Variants in GRIK2 observed in about 807,000 individuals in gnomAD.
GRIK2 encodes glutamate ionotropic receptor kainate type subunit 2.
Under a neutral mutation model 100.3 loss-of-function variants are expected in GRIK2, and 32 were observed. The ratio of observed to expected loss-of-function variants is 0.32; its 90% CI spans 0.24 to 0.43. The LOEUF (loss-of-function observed/expected upper bound fraction) is 0.43, where lower values mean the gene tolerates loss of function less well. Ranked by LOEUF, GRIK2 falls within the 20% of genes least tolerant of loss-of-function variation. GRIK2 has a pLI of 1.00. For synonymous variants in GRIK2, 417 were observed against 389.4 expected, an observed-to-expected ratio of 1.07 and a Z score of -0.83; for missense variants, 843 against 1,114.9, an observed-to-expected ratio of 0.76 and a Z score of 3.47.
At chr6:101,911,809 C>T (rs2518190) in intron 12 of GRIK2, among the ~76,000 whole-genome samples, 127,577 of 150,784 alleles carry the variant, frequency 0.85, 54,167 homozygotes, top group East Asian at 0.94. Context: ...TGAAGTGACT[C>T]ATCTTATTAC....
At chr6:101,917,100 G>T (rs570890040) in intron 12 of GRIK2, among the ~76,000 whole-genome samples, 5 of 151,602 alleles carry the variant, frequency 3.3e-5, no homozygotes, top group Non-Finnish European at 7.4e-5. Context: ...CTAATTTTCT[G>T]CCAAGTATGA....
intron 7 of GRIK2, among the ~76,000 whole-genome samples, chr6:101,768,723 C>A (rs1479089701): frequency 2.6e-5 from 4 of 152,104 alleles, no homozygotes; most frequent in African/African-American, 9.7e-5. Context: ...ATAGAAAAAA[C>A]CCACAATCTT....
chr6:101,736,257 C>T (rs1775624312), intron 7 of GRIK2, among the ~76,000 whole-genome samples: 1 of 152,180 alleles, frequency 6.6e-6, no homozygotes. Context: ...ATCTATCATT[C>T]TGGGGTCTGG....
rs539364806 is a variant in GRIK2 at position 101,981,750 on chromosome 6, A to G, written c.2085+53118A>G. ...AGAAAAGTTTTTAAGGGAAGAAAAA[A>G]TGGAAAAGAAAGTGCTTTCTCTTCC... On this transcript the variant is annotated intron_variant, in intron 14 of 16. Coordinates refer to ENST00000369134, the MANE Select transcript of GRIK2 (RefSeq NM_021956.5). Among the ~76,000 whole-genome samples, 67 of 151,960 alleles carry G rather than the reference A, an allele frequency of 4.4e-4. 1 individual carries two copies. Among genetic ancestry groups the G allele is most frequent in the African/African-American group, 1.6e-3 (67 of 41,516 alleles).
Position 101,928,623 on chromosome 6 carries a change from T to A in GRIK2, c.2076T>A (p.Thr692=), listed in dbSNP as rs1377101823. 1 of 1,556,592 alleles carries A rather than the reference T, an allele frequency of 6.4e-7. No homozygotes were observed. Among genetic ancestry groups the A allele is most frequent in the South Asian group, 1.1e-5 (1 of 89,776 alleles). ...CAGTAGAGGATGGTGCAACCATGAC[T>A]TTTTTCAAGGTAAGTTCTGCTGGTT... The part of the protein sequence containing the change: ...YGAVEDGATM[T]FFKKSKISTY... The change falls in exon 14 of 17, where the codon ACT becomes ACA. Residue 692 remains threonine (T), a synonymous_variant. Coordinates refer to ENST00000369134, the MANE Select transcript of GRIK2 (RefSeq NM_021956.5).
chr6:101,582,520 C>A (rs1287602856), intron 2 of GRIK2, among the ~76,000 whole-genome samples: 1 of 152,110 alleles, frequency 6.6e-6, no homozygotes, highest in Non-Finnish European at 1.5e-5. Context: ...GTCTCCTCAG[C>A]CTTGCAGAAC....
chr6:101,888,727 AT>A (rs1001149893), intron 11 of GRIK2, among the ~76,000 whole-genome samples: 1 of 152,002 alleles, frequency 6.6e-6, no homozygotes, highest in Non-Finnish European at 1.5e-5. Context: ...GGATAATTTC[AT>A]TTTTTTATGT....
chr6:101,675,960 C>T (rs896866522), intron 4 of GRIK2, among the ~76,000 whole-genome samples: 4 of 152,036 alleles, frequency 2.6e-5, no homozygotes, highest in African/African-American at 7.2e-5. Context: ...ATGTTACTGA[C>T]GATGAAAACC....
chr6:101,547,746 T>G (rs1026732707), intron 2 of GRIK2, among the ~76,000 whole-genome samples: 44 of 151,820 alleles, frequency 2.9e-4, no homozygotes, highest in African/African-American at 9.7e-4. Flanking sequence ...TGGTTCCAAG[T>G]CTTTGCTCTT....
At chr6:102,016,603 C>T (rs1795850599) in intron 14 of GRIK2, among the ~76,000 whole-genome samples, 1 of 150,076 alleles carries the variant, frequency 6.7e-6, no homozygotes, top group Non-Finnish European at 1.5e-5. Flanking sequence ...CCAAACAAAA[C>T]CTCCAAAAAA....
chr6:102,051,257 C>CTTCT (rs200734106), intron 15 of GRIK2, among the ~76,000 whole-genome samples: 6,768 of 95,886 alleles, frequency 0.071, 356 homozygotes, highest in East Asian at 0.18. Context: ...CCCTCCCTTC[C>CTTCT]TTCCTTCCTT....
chr6:101,561,052 A>G (rs553405150), intron 2 of GRIK2, among the ~76,000 whole-genome samples: 1 of 152,216 alleles, frequency 6.6e-6, no homozygotes, highest in African/African-American at 2.4e-5. Flanking sequence ...AATGAGACAA[A>G]AGATAGCAAA....
At chr6:101,629,852 C>G (rs1318030167) in intron 4 of GRIK2, among the ~76,000 whole-genome samples, 2 of 151,944 alleles carry the variant, frequency 1.3e-5, no homozygotes, top group East Asian at 3.9e-4. Context: ...TTTTTCAACC[C>G]TTAACCTCTT....
chr6:102,039,772 G>T (rs1770468722), intron 15 of GRIK2, among the ~76,000 whole-genome samples: 1 of 151,486 alleles, frequency 6.6e-6, no homozygotes. Flanking sequence ...TTCCATTAGG[G>T]CCAGTTGGTA....
At chr6:101,826,326 G>T (rs996179339) in intron 10 of GRIK2, among the ~76,000 whole-genome samples, 2 of 151,978 alleles carry the variant, frequency 1.3e-5, no homozygotes, top group African/African-American at 4.8e-5. Flanking sequence ...CTAAGTATAA[G>T]GTTTCTTGGG....
At chr6:101,605,169 T>C (rs922508902) in intron 2 of GRIK2, among the ~76,000 whole-genome samples, 3 of 152,042 alleles carry the variant, frequency 2.0e-5, no homozygotes, top group Non-Finnish European at 4.4e-5. Flanking sequence ...TTGATGCTTA[T>C]GTTCAGAAGG....
chr6:101,745,391 G>A (rs1455508506), intron 7 of GRIK2, among the ~76,000 whole-genome samples: 2 of 152,072 alleles, frequency 1.3e-5, no homozygotes, highest in African/African-American at 4.8e-5. Context: ...GAAAACAGCT[G>A]AGCATGATGG....
intron 15 of GRIK2, among the ~76,000 whole-genome samples, chr6:102,040,631 C>T (rs761594083): frequency 2.6e-5 from 4 of 151,370 alleles, no homozygotes; most frequent in Non-Finnish European, 5.9e-5. Flanking sequence ...AGTGGAGGTA[C>T]GTTGTTTGTT....
chr6:101,453,150 C>A (rs1340825537), intron 2 of GRIK2, among the ~76,000 whole-genome samples: 1 of 151,762 alleles, frequency 6.6e-6, no homozygotes, highest in African/African-American at 2.4e-5. Flanking sequence ...TCAACTGTAT[C>A]CTGCTATTAA....
Sources: gnomAD v4.1 joint callset for allele counts (sites outside exome capture counted in the v4.1 genomes callset) on GRCh38, gnomAD v4.1.1 for gene constraint, MANE v1.5 for transcripts, NCBI Gene and HGNC (gene_info 2026-07-23, HGNC 2026-07-21) for gene names.